The following CECR2 variants were observed in gnomAD, a reference collection of about 807,000 sequenced individuals.
CECR2 encodes the protein CECR2 histone acetyl-lysine reader, also known as chromatin remodeling regulator CECR2.
In CECR2, 30 loss-of-function variants were observed where a neutral mutation model predicts 154.5. That is an observed-to-expected ratio of 0.19 (90% CI 0.15 to 0.26). CECR2 has a LOEUF of 0.26. CECR2 is among the 10% of genes least tolerant of loss of function. The pLI, the probability that CECR2 is intolerant of heterozygous loss-of-function variation, is 1.00. For synonymous variants in CECR2, 725 were observed against 683.7 expected, an observed-to-expected ratio of 1.06 and a Z score of -0.94; for missense variants, 1,743 against 1,829.3, an observed-to-expected ratio of 0.95 and a Z score of 0.86.
upstream of CECR2, among the ~76,000 whole-genome samples, chr22:17,365,843 A>T (rs1366021492): frequency 6.6e-6 from 1 of 152,078 alleles, no homozygotes; most frequent in Non-Finnish European, 1.5e-5. Context: ...CTGGACAACA[A>T]AGGGAGACCC....
At chr22:17,365,563 G>T (rs1228086532), upstream of CECR2, among the ~76,000 whole-genome samples, 1 of 152,082 alleles carries the variant, frequency 6.6e-6, no homozygotes, top group Admixed American at 6.6e-5. Context: ...AGGCGTGGTG[G>T]TGGGTGCCTG....
chr22:17,386,547 T>G (rs1024209764), intron 1 of CECR2, among the ~76,000 whole-genome samples: 8 of 152,060 alleles, frequency 5.3e-5, no homozygotes, highest in East Asian at 3.9e-4. Context: ...GTGCCACCGC[T>G]CTCTAATTGT....
At chr22:17,512,937 G>C (rs775396091) in intron 8 of CECR2, among the ~76,000 whole-genome samples, 10 of 152,134 alleles carry the variant, frequency 6.6e-5, no homozygotes, top group Non-Finnish European at 1.3e-4. Context: ...ACATAAATGG[G>C]AGGGCAGGGA....
chr22:17,402,794 G>A (rs894651209), intron 1 of CECR2, among the ~76,000 whole-genome samples: 1 of 94,982 alleles, frequency 1.1e-5, no homozygotes, highest in Non-Finnish European at 2.0e-5. Flanking sequence ...TTTCACTCTT[G>A]TTGCCCAGGC....
intron 9 of CECR2, chr22:17,534,674 A>ATTTTTTTTTCT (rs1314266347): frequency 2.9e-5 from 4 of 139,124 alleles, no homozygotes; most frequent in Admixed American, 2.1e-4. Context: ...CGCCTGGCTA[A>ATTTTTTTTTCT]TTTTTTTTTC....
rs117415486 is a variant in CECR2, at chr22:17,493,263, C to T, written c.222-4140C>T. ...CTGGGATTACCGGCGTGAGCTACTG[C>T]GCCCGGCCTCTTTTTCCTTTAAATA... On this transcript the variant is annotated intron_variant, in intron 2 of 18. Coordinates refer to ENST00000262608, the MANE Select transcript of CECR2 (RefSeq NM_001290047.2). Among the ~76,000 whole-genome samples, 854 of 152,278 alleles carry T rather than the reference C, an allele frequency of 5.6e-3. 25 individuals are homozygous for T. In the East Asian group the frequency reaches 0.1, roughly 19 times the overall value.
At position 17,542,904 on chromosome 22, in the gene CECR2, C is replaced by T; in HGVS notation, c.2761C>T (p.His921Tyr). 6.2e-7 allele frequency: 1 copy of T among 1,613,972 alleles called. No homozygotes were observed. Among genetic ancestry groups the T allele is most frequent in the Non-Finnish European group, 8.5e-7 (1 of 1,179,884 alleles). Reference protein sequence around the residue: ...RLPGPFPQVAHPMSVTVSAPK... With the variant: ...RLPGPFPQVAYPMSVTVSAPK... The stretch of plus-strand genomic sequence containing the variant: ...ACCTGGCCCTTTTCCGCAGGTAGCT[C>T]ACCCAATGTCAGTCACTGTGTCAGC... Residue 921 changes from histidine (H) to tyrosine (Y), a missense_variant, in exon 16 of 19, where the codon CAC (histidine) becomes TAC (tyrosine). By Grantham distance (83) the His-to-Tyr change is moderately conservative (BLOSUM62 2). Around this residue, in one of 4 missense-constraint regions of CECR2, gnomAD observed 1,250 missense variants for 1,192.1 expected, o/e 1.05. Coordinates refer to ENST00000262608, the MANE Select transcript of CECR2 (RefSeq NM_001290047.2).
intron 1 of CECR2, among the ~76,000 whole-genome samples, chr22:17,396,125 C>A (rs1250629137): frequency 1.3e-5 from 2 of 151,236 alleles, no homozygotes; most frequent in African/African-American, 2.4e-5. Context: ...TACTGCAGTG[C>A]CAGCTACTTG....
chr22:17,384,557 A>G (rs78803288), intron 1 of CECR2, among the ~76,000 whole-genome samples: 6,586 of 152,308 alleles, frequency 0.043, 209 homozygotes, highest in Non-Finnish European at 0.062. Flanking sequence ...TAATATTTTG[A>G]AAGTAGTGAC....
intron 1 of CECR2, chr22:17,477,109 A>G: frequency 1.4e-6 from 1 of 723,514 alleles, no homozygotes; most frequent in East Asian, 2.6e-5. Context: ...AATGCCATTC[A>G]AAATACAGTG....
upstream of CECR2, among the ~76,000 whole-genome samples, chr22:17,364,750 G>A (rs2062993186): frequency 6.6e-6 from 1 of 152,050 alleles, no homozygotes; most frequent in Non-Finnish European, 1.5e-5. Flanking sequence ...CCGCCTGAAC[G>A]CAGAAGGCAG....
intron 7 of CECR2, among the ~76,000 whole-genome samples, chr22:17,505,798 A>G (rs926420934): frequency 1.0e-4 from 15 of 146,300 alleles, no homozygotes; most frequent in Admixed American, 2.7e-4. Context: ...CAGCCTCCCA[A>G]AGTGCTGGGA....
At chr22:17,389,778 C>T (rs550575009) in intron 1 of CECR2, among the ~76,000 whole-genome samples, 1 of 152,248 alleles carries the variant, frequency 6.6e-6, no homozygotes, top group Admixed American at 6.5e-5. Context: ...CAGGCATGCG[C>T]CACAACGCCC....
At chr22:17,471,540 T>C (rs2055126970) in intron 1 of CECR2, among the ~76,000 whole-genome samples, 2 of 152,002 alleles carry the variant, frequency 1.3e-5, no homozygotes, top group South Asian at 4.2e-4. Flanking sequence ...TTTGTTTGTT[T>C]GTTTGATTGT....
chr22:17,434,530 CT>C (rs1305462451), intron 1 of CECR2, among the ~76,000 whole-genome samples: 1 of 152,130 alleles, frequency 6.6e-6, no homozygotes, highest in East Asian at 1.9e-4. Flanking sequence ...AGTAGTCTAA[CT>C]TTTCTTTTTG....
chr22:17,535,179 G>T (rs556849300), intron 9 of CECR2, among the ~76,000 whole-genome samples: 2 of 151,940 alleles, frequency 1.3e-5, no homozygotes, highest in Admixed American at 6.6e-5. Context: ...TTAGCCAGGC[G>T]TGGTGACAGA....
chr22:17,545,349 TG>T (rs2056594846), intron 16 of CECR2, among the ~76,000 whole-genome samples: 1 of 108,874 alleles, frequency 9.2e-6, no homozygotes, highest in Admixed American at 1.5e-4. Flanking sequence ...CACTCCAGCC[TG>T]GGCGAAACAG....
intron 1 of CECR2, among the ~76,000 whole-genome samples, chr22:17,381,715 T>C (rs1451654025): frequency 2.0e-5 from 3 of 152,092 alleles, no homozygotes; most frequent in East Asian, 1.9e-4. Flanking sequence ...GCAGCAGTGG[T>C]ATTGTGAAAC....
rs1338694575 is a variant in CECR2 at position 17,409,730 on chromosome 22, C to G, written c.126+39821C>G. Among the ~76,000 whole-genome samples the G allele has an allele frequency of 3.6e-5, 4 of 111,362 alleles. No homozygotes were observed. The East Asian group carries it at 6.0e-4, about 17-fold the overall frequency. The allele number at this position is 111,362 out of a possible 152,430, so 73.1% of individuals were successfully genotyped here. A position where few individuals can be genotyped will look rare whatever the true frequency, so the allele number is the denominator to read the frequency against. On this transcript the variant is annotated intron_variant, in intron 1 of 18. Coordinates refer to ENST00000262608, the MANE Select transcript of CECR2 (RefSeq NM_001290047.2). ...TTTTTGGTTTACTTTAGTCTGTTTT[C>G]TCCCTAAGAATGTGAGTTATATCAG...
Sources: gnomAD v4.1 joint callset for allele counts (sites outside exome capture counted in the v4.1 genomes callset) on GRCh38, gnomAD v4.1.1 for gene constraint, gnomAD v4.1.1 regional missense constraint, MANE v1.5 for transcripts, NCBI Gene and HGNC (gene_info 2026-07-23, HGNC 2026-07-21) for gene names.